The following PPFIBP2 variants were observed in gnomAD, a reference collection of about 807,000 sequenced individuals.
PPFIBP2 encodes PPFIB scaffold protein 2.
In PPFIBP2, 118 loss-of-function variants were observed where a neutral mutation model predicts 118.3. The observed-to-expected ratio is 1.00, with a 90% CI of 0.86 to 1.16. The LOEUF is 1.16. PPFIBP2 is among the 50% of genes most tolerant of loss of function. The pLI is 0.00. For synonymous variants in PPFIBP2, 414 were observed against 397.4 expected, an observed-to-expected ratio of 1.04 and a Z score of -0.50; for missense variants, 1,195 against 1,073.1, an observed-to-expected ratio of 1.11 and a Z score of -1.59.
chr11:7,617,314 A>C (rs1368200976), intron 6 of PPFIBP2: 1 of 985,016 alleles, frequency 1.0e-6, no homozygotes, highest in Non-Finnish European at 1.2e-6. Context: ...ACACTTAAGT[A>C]TATCAGAGCA....
intron 5 of PPFIBP2, among the ~76,000 whole-genome samples, chr11:7,604,085 C>T (rs1186553779): frequency 6.6e-6 from 1 of 152,162 alleles, no homozygotes; most frequent in East Asian, 1.9e-4. Flanking sequence ...GTGGGTGCTC[C>T]AGACAGCCTG....
At chr11:7,648,666 T>A in intron 18 of PPFIBP2, 129 bp downstream of exon 18, 1 of 1,471,682 alleles carries the variant, frequency 6.8e-7, no homozygotes, top group Non-Finnish European at 9.4e-7. Flanking sequence ...CCTCTGTAGC[T>A]GCAGGTTGGC....
In PPFIBP2 at chr11:7,593,134, C is replaced by T; in HGVS notation, c.282C>T (p.Ser94=). 1 of 1,613,448 alleles carries T rather than the reference C, an allele frequency of 6.2e-7. No individual in the cohort carries two copies. The highest frequency in any genetic ancestry group is 1.3e-5 in the African/African-American group (1 of 74,922). ...YIKEWFEESL[S]QVNHHSAASN... ...TCTTTTTTTTCTGTCCTCTTTAGTC[C>T]CAGGTAAACCACCACAGTGCTGCTA... The change falls in exon 4 of 24, where the codon TCC becomes TCT. Residue 94 remains serine (S), a splice_region_variant and synonymous_variant. Transcript: ENST00000299492.
chr11:7,621,068 C>A, intron 7 of PPFIBP2, 41 bp downstream of exon 7: 1 of 1,478,512 alleles, frequency 6.8e-7, no homozygotes, highest in South Asian at 1.1e-5. Context: ...AGTATGAGGG[C>A]CTTGTGGGGA....
Position 7,520,845 on chromosome 11 carries a change from G to A in PPFIBP2, c.-37+6724G>A, listed in dbSNP as rs372005118. On this transcript the variant is annotated intron_variant, in intron 1 of 23. Coordinates refer to ENST00000299492, the MANE Select transcript of PPFIBP2 (RefSeq NM_003621.5). ...TTCCAATGCTTGATGGCACCTATGT[G>A]TCTCTGTCTTCATGGAATCTATGTA... Among the ~76,000 whole-genome samples the A allele has an allele frequency of 3.9e-5, 6 of 152,278 alleles. No homozygotes were observed. The East Asian group carries it at 1.2e-3, about 29-fold the overall frequency.
chr11:7,612,205 A>T (rs577387827), intron 6 of PPFIBP2, among the ~76,000 whole-genome samples: 108 of 152,336 alleles, frequency 7.1e-4, no homozygotes, highest in African/African-American at 2.5e-3. Flanking sequence ...CTTTAGCCTT[A>T]TTCTCAAGAA....
intron 3 of PPFIBP2, among the ~76,000 whole-genome samples, chr11:7,590,417 G>T (rs1024410241): frequency 6.6e-6 from 1 of 151,988 alleles, no homozygotes; most frequent in Non-Finnish European, 1.5e-5. Context: ...AAGATGCACT[G>T]TTCCTCTAGA....
chr11:7,522,149 CT>C (rs1849811505), intron 1 of PPFIBP2, among the ~76,000 whole-genome samples: 1 of 152,074 alleles, frequency 6.6e-6, no homozygotes, highest in South Asian at 2.1e-4. Flanking sequence ...ACTGAGGTAG[CT>C]CAGGACCTAA....
At chr11:7,577,342 T>TGCGTGTGTGTGTGC (rs1318689035) in intron 3 of PPFIBP2, 1 of 322,938 alleles carries the variant, frequency 3.1e-6, no homozygotes, top group Non-Finnish European at 6.1e-6. Flanking sequence ...TGTGTGTGTG[T>TGCGTGTGTGTGTGC]GTGTGTGTGT....
chr11:7,589,620 A>C lies in PPFIBP2; in HGVS notation c.280-3512A>C, dbSNP rs79128357. Among the ~76,000 whole-genome samples, 256 of 152,222 alleles carry C rather than the reference A, an allele frequency of 1.7e-3. 3 individuals are homozygous for C. The East Asian group carries it at 0.03, about 18-fold the overall frequency. ...AAGAACAACCCCCTCCCAAAAAAAAAAAAACCTCAGAAAATTAGCACGTAG... is the reference window on the plus strand; with the variant it reads ...AAGAACAACCCCCTCCCAAAAAAAACAAAACCTCAGAAAATTAGCACGTAG... On this transcript the variant is annotated intron_variant, in intron 3 of 23. Transcript: ENST00000299492.
chr11:7,665,228 C>A, the PPFIBP2 span: 3 of 678,818 alleles, frequency 4.4e-6, no homozygotes. Context: ...TTTTGTTAGG[C>A]CCACACCCAA....
At chr11:7,549,689 CTT>C in intron 2 of PPFIBP2, 150 bp downstream of exon 2, 1 of 816,678 alleles carries the variant, frequency 1.2e-6, no homozygotes, top group Non-Finnish European at 1.8e-6. Context: ...TATGTAATCT[CTT>C]TTTTTTCTTT....
At chr11:7,648,302 C>T in intron 17 of PPFIBP2, 85 bp from the exon 18 acceptor site, 13 of 1,435,404 alleles carry the variant, frequency 9.1e-6, no homozygotes, top group African/African-American at 2.9e-5. Flanking sequence ...TTTTTCTTTT[C>T]TTTTCTTTTG....
intron 6 of PPFIBP2, among the ~76,000 whole-genome samples, chr11:7,619,463 G>C (rs967015624): frequency 6.6e-6 from 1 of 152,182 alleles, no homozygotes; most frequent in Non-Finnish European, 1.5e-5. Context: ...GTCAGGTCAC[G>C]GGTTGAAGTT....
intron 18 of PPFIBP2, 27 bp from the exon 19 acceptor site, chr11:7,648,773 C>A (rs1565123992): frequency 1.2e-6 from 2 of 1,604,334 alleles, no homozygotes; most frequent in South Asian, 1.1e-5. Context: ...CAAAATTTCA[C>A]ATGTGGTCTT....
rs546902258 is a variant in PPFIBP2 at position 7,653,344 on chromosome 11, C to T, written c.*126C>T. The T allele has an allele frequency of 8.0e-6, 12 of 1,498,102 alleles. No individual in the cohort carries two copies. The highest frequency in any genetic ancestry group is 1.7e-4 in the Middle Eastern group (1 of 5,762). The allele number at this position is 1,498,102 out of a possible 1,614,324, so 92.8% of individuals were successfully genotyped here. On this transcript the variant is annotated 3_prime_UTR_variant, in exon 24 of 24. Transcript: ENST00000299492. ...CAGAGAATATTCCAGCAATTGTGTA[C>T]CCCTGGGCCAGTCTCTTTGAACCCT...
chr11:7,538,995 C>T (rs961048004), intron 1 of PPFIBP2, among the ~76,000 whole-genome samples: 1 of 152,196 alleles, frequency 6.6e-6, no homozygotes, highest in Admixed American at 6.5e-5. Context: ...AATGTTTGCT[C>T]TTAGGAGTTA....
At chr11:7,605,907 C>T in intron 5 of PPFIBP2, 1 of 1,514,350 alleles carries the variant, frequency 6.6e-7, no homozygotes. Context: ...AAATGGAAAG[C>T]AAAGCCTGTT....
At chr11:7,576,596 C>T (rs1856359080) in intron 3 of PPFIBP2, 1 of 152,568 alleles carries the variant, frequency 6.6e-6, no homozygotes, top group South Asian at 2.1e-4. Flanking sequence ...GAAGCAGCCT[C>T]AACCTTTCCA....
Sources: gnomAD v4.1 joint callset for allele counts (sites outside exome capture counted in the v4.1 genomes callset) on GRCh38, gnomAD v4.1.1 for gene constraint, MANE v1.5 for transcripts, NCBI Gene and HGNC (gene_info 2026-07-23, HGNC 2026-07-21) for gene names.